PAX5: variants seen among roughly 807,000 people sequenced by gnomAD.
The protein encoded by PAX5 is paired box protein Pax-5.
In PAX5, 9 loss-of-function variants were observed where a neutral mutation model predicts 43.7. The observed-to-expected ratio is 0.21, with a 90% CI of 0.12 to 0.36. The LOEUF (loss-of-function observed/expected upper bound fraction) is 0.36, where lower values mean the gene tolerates loss of function less well. Ranked by LOEUF, PAX5 falls within the 10% of genes least tolerant of loss-of-function variation. The probability of loss-of-function intolerance (pLI) is 1.00; values close to 1 mark genes in which losing one functional copy is unlikely to be tolerated. For synonymous variants in PAX5, 228 were observed against 214.3 expected (o/e 1.06, Z -0.56); for missense variants, 383 against 532.7 (o/e 0.72, Z 2.77).
intron 4 of PAX5, among the ~76,000 whole-genome samples, chr9:37,003,562 G>A (rs1838126750): frequency 6.6e-6 from 1 of 152,194 alleles, no homozygotes; most frequent in African/African-American, 2.4e-5. Flanking sequence ...AGAGTGCCTG[G>A]TGCCGGGGCT....
At position 36,840,611 on chromosome 9, in the gene PAX5, G is replaced by T. The variant is rs371549995; in HGVS notation, c.1125C>A (p.Ala375=). The T allele has an allele frequency of 2.5e-6, 4 of 1,578,724 alleles. No individual in the cohort carries two copies. The highest frequency in any genetic ancestry group is 3.4e-6 in the Non-Finnish European group (4 of 1,163,166). Reference sequence around the variant, plus strand: ...CTGCAGGTGGGGCGGCTCCTCGGGCGGCAGCGCTATAATAGTAGGGGGAGC... The same window carrying T: ...CTGCAGGTGGGGCGGCTCCTCGGGCTGCAGCGCTATAATAGTAGGGGGAGC... ...LLGSPYYYSA[A]ARGAAPPAAA... Residue 375 remains alanine (A), a synonymous_variant, in exon 10 of 10, where the codon GCC becomes GCA. Coordinates refer to ENST00000358127, the MANE Select transcript of PAX5 (RefSeq NM_016734.3).
rs140580293 is a variant in PAX5 at position 36,994,695 on chromosome 9, C to T, written c.604+7953G>A. The stretch of plus-strand genomic sequence containing the variant: ...CTTGAGCGGGGAGCGCATGAGAACT[C>T]GGGCCCAGCAGCCCCAGATGACTGT... On this transcript the variant is annotated intron_variant, in intron 5 of 9. Coordinates refer to ENST00000358127, the MANE Select transcript of PAX5 (RefSeq NM_016734.3). Among the ~76,000 whole-genome samples, 356 of 152,332 alleles carry T rather than the reference C, an allele frequency of 2.3e-3. 4 individuals carry two copies. Among genetic ancestry groups the T allele is most frequent in the African/African-American group, 7.9e-3 (330 of 41,568 alleles).
At chr9:36,951,304 A>G (rs1832986383) in intron 6 of PAX5, among the ~76,000 whole-genome samples, 1 of 152,194 alleles carries the variant, frequency 6.6e-6, no homozygotes. Flanking sequence ...TGATTTATTC[A>G]TTAACAAGAG....
intron 8 of PAX5, among the ~76,000 whole-genome samples, chr9:36,878,005 A>G (rs760369619): frequency 7.9e-5 from 12 of 152,296 alleles, no homozygotes; most frequent in Middle Eastern, 3.4e-3. Flanking sequence ...CCTTGGAGCA[A>G]TGCAGCTGCA....
intron 1 of PAX5, among the ~76,000 whole-genome samples, chr9:37,033,269 A>C (rs934025330): frequency 6.6e-6 from 1 of 152,128 alleles, no homozygotes; most frequent in Non-Finnish European, 1.5e-5. Context: ...TGGGCCTTAC[A>C]ATGCACATGC....
chr9:37,021,749 C>T (rs1323109709), intron 1 of PAX5, among the ~76,000 whole-genome samples: 1 of 152,200 alleles, frequency 6.6e-6, no homozygotes, highest in African/African-American at 2.4e-5. Context: ...AACCAGTAAA[C>T]ACAGAGTGAT....
At chr9:36,878,028 C>T (rs1260953971) in intron 8 of PAX5, among the ~76,000 whole-genome samples, 1 of 152,144 alleles carries the variant, frequency 6.6e-6, no homozygotes, top group South Asian at 2.1e-4. Flanking sequence ...CAGGGAATGC[C>T]GGGAACGAAC....
intron 1 of PAX5, among the ~76,000 whole-genome samples, chr9:37,026,348 C>A (rs978155771): frequency 7.2e-5 from 11 of 152,252 alleles, no homozygotes. Context: ...TTCCCAGGTG[C>A]CTCAGCCCGG....
chr9:36,962,137 A>G (rs369042202), intron 6 of PAX5, among the ~76,000 whole-genome samples: 43 of 152,304 alleles, frequency 2.8e-4, no homozygotes, highest in African/African-American at 9.1e-4. Context: ...CCTGGCCCCA[A>G]TGAGGAATGT....
chr9:36,924,085 G>A (rs1830396924), intron 6 of PAX5, among the ~76,000 whole-genome samples: 1 of 152,124 alleles, frequency 6.6e-6, no homozygotes, highest in Admixed American at 6.5e-5. Flanking sequence ...AATCCAATAT[G>A]GCAAACTAAC....
At position 36,948,192 on chromosome 9, in the gene PAX5, G is replaced by A. The variant is rs567883169; in HGVS notation, c.780+18357C>T. Among the ~76,000 whole-genome samples, 32 of 152,296 alleles carry A rather than the reference G, an allele frequency of 2.1e-4. 1 individual carries two copies. In the South Asian group the frequency reaches 6.2e-3, roughly 30 times the overall value. On this transcript the variant is annotated intron_variant, in intron 6 of 9. Transcript: ENST00000358127. ...CACAGCCAGCAGGTACGCACGCCAG[G>A]TTCCAGGACCAGGGACTCCAGAGCT...
intron 6 of PAX5, among the ~76,000 whole-genome samples, chr9:36,926,383 T>C (rs1477029640): frequency 2.0e-5 from 3 of 152,222 alleles, no homozygotes; most frequent in Non-Finnish European, 2.9e-5. Context: ...TCAGTGGGTA[T>C]GTGTGTACGA....
chr9:37,006,462 G>T lies in PAX5; in HGVS notation c.475+11C>A, dbSNP rs775083239. 2 of 1,606,234 alleles carry T rather than the reference G, an allele frequency of 1.2e-6. No individual in the cohort carries two copies. Among genetic ancestry groups the T allele is most frequent in the East Asian group, 2.2e-5 (1 of 44,858 alleles). ...TTAGATTTTTAAATTTTTTTTAAAA[G>T]TTCCTCTTACCTATGCTGTGACTGG... On this transcript the variant is annotated intron_variant, in intron 4 of 9. Transcript: ENST00000358127.
chr9:36,888,191 AC>A (rs1331168673), intron 7 of PAX5, among the ~76,000 whole-genome samples: 3 of 152,242 alleles, frequency 2.0e-5, no homozygotes, highest in Non-Finnish European at 4.4e-5. Flanking sequence ...GTAAAATGGT[AC>A]AGCTGCTTTG....
At chr9:37,019,945 T>C (rs1839713798) in intron 2 of PAX5, among the ~76,000 whole-genome samples, 1 of 152,306 alleles carries the variant, frequency 6.6e-6, no homozygotes, top group East Asian at 1.9e-4. Context: ...ACGTGCTTCA[T>C]TGGATCATGC....
At chr9:36,929,277 G>GGAAGGAAGGAAGGAAC (rs1437518330) in intron 6 of PAX5, among the ~76,000 whole-genome samples, 1,825 of 150,080 alleles carry the variant, frequency 0.012, 47 homozygotes, top group African/African-American at 0.043. Context: ...AAGGAAGGAA[G>GGAAGGAAGGAAGGAAC]GAAGGAAGGA....
intron 6 of PAX5, among the ~76,000 whole-genome samples, chr9:36,960,085 A>G (rs545603613): frequency 3.9e-5 from 6 of 152,208 alleles, no homozygotes; most frequent in Non-Finnish European, 5.9e-5. Flanking sequence ...GATAAGAGAC[A>G]AGTTGGTGCA....
intron 3 of PAX5, among the ~76,000 whole-genome samples, chr9:37,012,311 C>A (rs1173724545): frequency 6.6e-6 from 1 of 152,196 alleles, no homozygotes; most frequent in African/African-American, 2.4e-5. Context: ...CCTCCTTTTA[C>A]CGTTGGGAAA....
chr9:37,016,349 C>A (rs910443428), intron 2 of PAX5, among the ~76,000 whole-genome samples: 1 of 152,214 alleles, frequency 6.6e-6, no homozygotes, highest in Admixed American at 6.5e-5. Flanking sequence ...GCAGAATTAT[C>A]TGAAAATATC....
Sources: gnomAD v4.1 joint callset for allele counts (sites outside exome capture counted in the v4.1 genomes callset) on GRCh38, gnomAD v4.1.1 for gene constraint, MANE v1.5 for transcripts, NCBI Gene and HGNC (gene_info 2026-07-23, HGNC 2026-07-21) for gene names.